The following TMEM178A variants were observed in gnomAD, a reference collection of about 807,000 sequenced individuals.
TMEM178A encodes the protein transmembrane protein 178.
A neutral mutation model predicts 29.1 loss-of-function variants in TMEM178A; 12 were observed. The observed-to-expected ratio is 0.41, with a 90% confidence interval of 0.26 to 0.67. The LOEUF (loss-of-function observed/expected upper bound fraction) is 0.67, where lower values mean the gene tolerates loss of function less well. Ranked by LOEUF, TMEM178A falls within the 30% of genes least tolerant of loss-of-function variation. The pLI, the probability that TMEM178A is intolerant of heterozygous loss-of-function variation, is 0.29. For synonymous variants in TMEM178A, 210 were observed against 187.2 expected (o/e 1.12, Z -0.99); for missense variants, 366 against 419.1 (o/e 0.87, Z 1.11).
At chr2:39,681,343 A>G (rs1209982483) in intron 1 of TMEM178A, among the ~76,000 whole-genome samples, 1 of 152,218 alleles carries the variant, frequency 6.6e-6, no homozygotes, top group Non-Finnish European at 1.5e-5. Flanking sequence ...CCACAGTGTG[A>G]CTTCCAGAAG....
At chr2:39,705,290 T>G (rs17024174) in intron 2 of TMEM178A, among the ~76,000 whole-genome samples, 3,387 of 152,330 alleles carry the variant, frequency 0.022, 114 homozygotes, top group African/African-American at 0.076. Flanking sequence ...AAAGTCACAC[T>G]TGGTGATCTG....
downstream of TMEM178A, among the ~76,000 whole-genome samples, chr2:39,719,016 C>T (rs978943683): frequency 5.3e-5 from 8 of 152,290 alleles, no homozygotes; most frequent in Middle Eastern, 3.4e-3. Context: ...GTGATGGTGT[C>T]CACATATTGT....
At chr2:39,724,652 T>C in the TMEM178A span, among the ~76,000 whole-genome samples, 2 of 152,286 alleles carry the variant, frequency 1.3e-5, no homozygotes, top group Admixed American at 6.5e-5. Flanking sequence ...TGCAGTGACT[T>C]AGAAAACACC....
the TMEM178A span, among the ~76,000 whole-genome samples, chr2:39,724,280 TCAAAAAAAAAAAAG>T: frequency 6.7e-6 from 1 of 149,850 alleles, no homozygotes; most frequent in Non-Finnish European, 1.5e-5. Flanking sequence ...AGTAATTATT[TCAAAAAAAAAAAAG>T]AGGCTATCTA....
chr2:39,718,519 T>G (rs1672634085), downstream of TMEM178A, among the ~76,000 whole-genome samples: 1 of 152,240 alleles, frequency 6.6e-6, no homozygotes, highest in African/African-American at 2.4e-5. Flanking sequence ...ACCGTGGTTA[T>G]CTCCTTAGCT....
In TMEM178A at chr2:39,713,940, T is replaced by C. The variant is rs566511550; in HGVS notation, c.653-3070T>C. Among the ~76,000 whole-genome samples the C allele has an allele frequency of 2.6e-5, 4 of 152,352 alleles. No individual in the cohort carries two copies. The South Asian group carries it at 6.2e-4, about 24-fold the overall frequency. ...ATATCTTGAATGGGTTAGGCTTCTT[T>C]TACAGAAGCTTGTTGGAAAAGTTGG... On this transcript the variant is annotated intron_variant, in intron 3 of 3. Transcript: ENST00000281961.
chr2:39,677,668 C>T (rs1670686213), intron 1 of TMEM178A, among the ~76,000 whole-genome samples: 1 of 151,860 alleles, frequency 6.6e-6, no homozygotes, highest in African/African-American at 2.4e-5. Flanking sequence ...GTGGGATGGA[C>T]CCTGGTCATC....
chr2:39,675,761 G>A (rs971315486), intron 1 of TMEM178A, among the ~76,000 whole-genome samples: 8 of 151,978 alleles, frequency 5.3e-5, no homozygotes, highest in African/African-American at 1.9e-4. Context: ...GTCTTCTGGA[G>A]TTGTTATTTA....
intron 1 of TMEM178A, among the ~76,000 whole-genome samples, chr2:39,670,109 T>A (rs1335826076): frequency 6.6e-6 from 1 of 152,188 alleles, no homozygotes; most frequent in Admixed American, 6.5e-5. Flanking sequence ...ACCCAGCGAT[T>A]TGAGTGCTGG....
Position 39,717,284 on chromosome 2 carries a change from G to C in TMEM178A, c.*33G>C, listed in dbSNP as rs778714166. ...CACTGGGCCTGTCCACAGTGCGAGCGACTCCTGAGGGGAACAGCGCGGAGT... is the reference window on the plus strand; with the variant it reads ...CACTGGGCCTGTCCACAGTGCGAGCCACTCCTGAGGGGAACAGCGCGGAGT... On this transcript the variant is annotated 3_prime_UTR_variant, in exon 4 of 4. Transcript: ENST00000281961. 6 of 1,603,586 alleles carry C rather than the reference G, an allele frequency of 3.7e-6. No individual in the cohort carries two copies. The highest frequency in any genetic ancestry group is 5.1e-6 in the Non-Finnish European group (6 of 1,174,178).
intron 1 of TMEM178A, among the ~76,000 whole-genome samples, chr2:39,678,422 C>T (rs1030464440): frequency 6.6e-6 from 1 of 152,078 alleles, no homozygotes; most frequent in Admixed American, 6.5e-5. Flanking sequence ...AATACTGACA[C>T]ACGTTACAAC....
At chr2:39,696,250 G>A (rs1287590676) in intron 1 of TMEM178A, among the ~76,000 whole-genome samples, 1 of 152,140 alleles carries the variant, frequency 6.6e-6, no homozygotes, top group Admixed American at 6.5e-5. Context: ...GGAAACATGA[G>A]AGCTGTTGGT....
At chr2:39,719,653 T>C (rs1672665771), downstream of TMEM178A, among the ~76,000 whole-genome samples, 1 of 152,230 alleles carries the variant, frequency 6.6e-6, no homozygotes. Flanking sequence ...ATTGAAATGA[T>C]TGCACAGTAC....
chr2:39,676,789 C>G (rs764974476), intron 1 of TMEM178A, among the ~76,000 whole-genome samples: 2 of 152,108 alleles, frequency 1.3e-5, no homozygotes, highest in Non-Finnish European at 2.9e-5. Flanking sequence ...TATGGTCATT[C>G]CATAGTAGGA....
chr2:39,692,242 A>G (rs1029730107), intron 1 of TMEM178A, among the ~76,000 whole-genome samples: 1 of 152,140 alleles, frequency 6.6e-6, no homozygotes, highest in East Asian at 1.9e-4. Flanking sequence ...GATTCTGGAG[A>G]TTTATTTACA....
chr2:39,670,572 T>G (rs1670371480), intron 1 of TMEM178A, among the ~76,000 whole-genome samples: 1 of 152,230 alleles, frequency 6.6e-6, no homozygotes. Context: ...CAGCATCCTT[T>G]AGGGGACTCC....
downstream of TMEM178A, among the ~76,000 whole-genome samples, chr2:39,719,859 A>G (rs553704505): frequency 6.8e-6 from 1 of 147,924 alleles, no homozygotes; most frequent in South Asian, 2.2e-4. Context: ...GATATGGGAA[A>G]CCTCCACAGA....
intron 3 of TMEM178A, among the ~76,000 whole-genome samples, chr2:39,708,436 T>TTTTTGC (rs1672140199): frequency 7.2e-6 from 1 of 138,708 alleles, no homozygotes; most frequent in Admixed American, 7.1e-5. Context: ...TTTTTTTTTT[T>TTTTTGC]GAGACGGAGT....
chr2:39,730,651 C>A, the TMEM178A span, among the ~76,000 whole-genome samples: 1 of 152,098 alleles, frequency 6.6e-6, no homozygotes, highest in Non-Finnish European at 1.5e-5. Flanking sequence ...ACTGATCTTT[C>A]CATGAGATGG....
Sources: gnomAD v4.1 joint callset for allele counts (sites outside exome capture counted in the v4.1 genomes callset) on GRCh38, gnomAD v4.1.1 for gene constraint, MANE v1.5 for transcripts, NCBI Gene and HGNC (gene_info 2026-07-23, HGNC 2026-07-21) for gene names.